Variants in FER1L6 observed in about 807,000 individuals in gnomAD.
The protein encoded by FER1L6 is fer-1-like protein 6.
In FER1L6, 177 loss-of-function variants were observed where a neutral mutation model predicts 219.2. The observed-to-expected ratio is 0.81, with a 90% CI of 0.71 to 0.91. The LOEUF (loss-of-function observed/expected upper bound fraction) is 0.91, where lower values mean the gene tolerates loss of function less well. Ranked by LOEUF, FER1L6 falls within the 40% of genes least tolerant of loss-of-function variation. FER1L6 has a pLI of 0.00. For missense variants in FER1L6, 2,153 were observed against 2,259.9 expected, an observed-to-expected ratio of 0.95 and a Z score of 0.96; for synonymous variants, 768 against 824.3, an observed-to-expected ratio of 0.93 and a Z score of 1.17.
intron 34 of FER1L6, 112 bp from the exon 35 acceptor site, chr8:124,094,784 G>C: frequency 8.1e-7 from 1 of 1,228,262 alleles, no homozygotes; most frequent in Non-Finnish European, 1.2e-6. Flanking sequence ...ACTGCACCCA[G>C]CCCCTTGGTA....
intron 1 of FER1L6, among the ~76,000 whole-genome samples, chr8:123,856,316 G>GTGTGTGTATATATATA (rs71576706): frequency 2.2e-5 from 1 of 45,112 alleles, no homozygotes; most frequent in South Asian, 9.0e-4. Context: ...ATATGTATGT[G>GTGTGTGTATATATATA]TATATATATA....
At chr8:123,907,195 A>G (rs1812969252) in intron 1 of FER1L6, among the ~76,000 whole-genome samples, 1 of 152,206 alleles carries the variant, frequency 6.6e-6, no homozygotes, top group Admixed American at 6.5e-5. Flanking sequence ...ACACTTTGCT[A>G]CCACCAGCAC....
intron 5 of FER1L6, among the ~76,000 whole-genome samples, chr8:123,966,859 A>C (rs1334260905): frequency 2.0e-5 from 3 of 152,178 alleles, no homozygotes; most frequent in Non-Finnish European, 2.9e-5. Context: ...CGGCGTGCGG[A>C]TCACGAGCTC....
At chr8:124,036,860 T>C (rs1435333976) in intron 19 of FER1L6, among the ~76,000 whole-genome samples, 6 of 152,326 alleles carry the variant, frequency 3.9e-5, no homozygotes, top group East Asian at 1.9e-4. Context: ...TTTGGCTGCC[T>C]TCCACACCTA....
intron 19 of FER1L6, among the ~76,000 whole-genome samples, chr8:124,037,059 T>G (rs974147528): frequency 2.0e-5 from 3 of 152,060 alleles, no homozygotes; most frequent in Non-Finnish European, 2.9e-5. Flanking sequence ...GCACAAGAGG[T>G]GTACCAATAA....
intron 1 of FER1L6, among the ~76,000 whole-genome samples, chr8:123,893,307 AGACTGAT>A (rs966037355): frequency 3.4e-4 from 52 of 152,218 alleles, no homozygotes; most frequent in Non-Finnish European, 6.2e-4. Context: ...TCTAATTAAA[AGACTGAT>A]ATGTTTACAA....
chr8:124,028,398 C>T (rs1377937231), intron 18 of FER1L6, among the ~76,000 whole-genome samples: 4 of 152,124 alleles, frequency 2.6e-5, no homozygotes, highest in Non-Finnish European at 5.9e-5. Flanking sequence ...CCCTCTCACC[C>T]ACCATCTCTC....
chr8:124,046,628 T>G (rs1180445176), intron 21 of FER1L6: 1 of 152,196 alleles, frequency 6.6e-6, no homozygotes, highest in African/African-American at 2.4e-5. Flanking sequence ...AAAACAGTAG[T>G]TCCAGGAAGC....
intron 19 of FER1L6, among the ~76,000 whole-genome samples, chr8:124,037,336 G>A (rs1370380927): frequency 1.3e-5 from 2 of 152,136 alleles, no homozygotes; most frequent in Non-Finnish European, 2.9e-5. Flanking sequence ...AGGAACACGT[G>A]GGCCATCTCT....
rs772209114 is a variant in FER1L6 at position 123,966,070 on chromosome 8, T to C, written c.252+9T>C. ...GATCCCAAAATTATCAAGTAAGTGA[T>C]TGGCTCTTCCTGCCCAGCCTCCCCC... On this transcript the variant is annotated intron_variant, in intron 4 of 40. Transcript: ENST00000522917. 9.3e-6 allele frequency: 15 copies of C among 1,613,576 alleles called. No individual in the cohort carries two copies. Among genetic ancestry groups the C allele is most frequent in the Admixed American group, 6.7e-5 (4 of 59,956 alleles).
intron 18 of FER1L6, among the ~76,000 whole-genome samples, chr8:124,025,901 TTG>T (rs1427452427): frequency 2.0e-5 from 3 of 152,226 alleles, no homozygotes; most frequent in African/African-American, 7.2e-5. Context: ...CTTGTGTAAT[TTG>T]TCCATGGCAT....
chr8:123,873,472 A>G (rs1816957276), intron 1 of FER1L6, among the ~76,000 whole-genome samples: 1 of 151,910 alleles, frequency 6.6e-6, no homozygotes, highest in Admixed American at 6.6e-5. Context: ...CTTTTATTCC[A>G]CTTAACATCT....
chr8:124,051,665 G>T (rs1402364508), intron 22 of FER1L6, among the ~76,000 whole-genome samples: 2 of 152,166 alleles, frequency 1.3e-5, no homozygotes, highest in Non-Finnish European at 1.5e-5. Context: ...TGCTCAATAT[G>T]GCGAGTGAGA....
At chr8:124,091,920 T>C (rs1417481977) in intron 34 of FER1L6, among the ~76,000 whole-genome samples, 1 of 148,466 alleles carries the variant, frequency 6.7e-6, no homozygotes, top group Non-Finnish European at 1.5e-5. Flanking sequence ...TGACCAGAGA[T>C]TGTGCCACTG....
chr8:123,999,678 A>G (rs1586572829), intron 12 of FER1L6, among the ~76,000 whole-genome samples: 2 of 152,006 alleles, frequency 1.3e-5, no homozygotes, highest in Admixed American at 1.3e-4. Flanking sequence ...AAAAACAAAA[A>G]CAAAAACAAA....
chr8:124,104,547 AC>A (rs1296003311), intron 39 of FER1L6, among the ~76,000 whole-genome samples: 3 of 152,202 alleles, frequency 2.0e-5, no homozygotes, highest in African/African-American at 7.2e-5. Flanking sequence ...AAGTGAAAGA[AC>A]CATGATGAGT....
At chr8:124,102,995 C>T (rs1186979136) in intron 38 of FER1L6, 151 bp from the exon 39 acceptor site, 1 of 734,254 alleles carries the variant, frequency 1.4e-6, no homozygotes, top group Admixed American at 2.4e-5. Flanking sequence ...ATTTGTACTC[C>T]CAATACCTAG....
intron 22 of FER1L6, among the ~76,000 whole-genome samples, chr8:124,055,324 A>G (rs2130802374): frequency 6.6e-6 from 1 of 152,112 alleles, no homozygotes; most frequent in Middle Eastern, 3.4e-3. Flanking sequence ...GCAGTGAACT[A>G]TGATCATGCT....
chr8:124,091,341 A>C (rs1186522802), intron 33 of FER1L6, 82 bp from the exon 34 acceptor site: 1 of 1,147,892 alleles, frequency 8.7e-7, no homozygotes, highest in Non-Finnish European at 1.2e-6. Flanking sequence ...ATAGCAAGTT[A>C]AATCTGAAAG....
Sources: gnomAD v4.1 joint callset for allele counts (sites outside exome capture counted in the v4.1 genomes callset) on GRCh38, gnomAD v4.1.1 for gene constraint, MANE v1.5 for transcripts, NCBI Gene and HGNC (gene_info 2026-07-23, HGNC 2026-07-21) for gene names.